KIRREL2: variants seen among roughly 807,000 people sequenced by gnomAD.
KIRREL2 encodes kin of IRRE-like protein 2.
Under a neutral mutation model 73.4 loss-of-function variants are expected in KIRREL2, and 56 were observed. The observed-to-expected ratio is 0.76, with a 90% CI of 0.62 to 0.95. The LOEUF is 0.95. Ranked by LOEUF, KIRREL2 falls within the 40% of genes least tolerant of loss-of-function variation. The pLI, the probability that KIRREL2 is intolerant of heterozygous loss-of-function variation, is 0.00. For synonymous variants in KIRREL2, 407 were observed against 404.0 expected (o/e 1.01, Z -0.09); for missense variants, 896 against 935.0 (o/e 0.96, Z 0.54).
At chr19:35,858,344 G>C (rs902145128) in intron 2 of KIRREL2, 64 bp from the exon 3 acceptor site, 7 of 1,571,282 alleles carry the variant, frequency 4.5e-6, no homozygotes, top group African/African-American at 1.3e-5. Context: ...GATGTCTGGG[G>C]ATGGAGGCCT....
rs778689984 is a variant in KIRREL2, at chr19:35,861,938, A to G, written c.1424A>G (p.Gln475Arg). ...LISVLHISGTQESDFSRSFNC... is the reference protein window; with the variant it reads ...LISVLHISGTRESDFSRSFNC... ...TCTGTGCTACACATTTCGGGGACCC[A>G]GGAGTCTGACTTTAGCAGGAGCTTT... The change falls in exon 11 of 15, where the codon CAG becomes CGG. Residue 475 changes from glutamine to arginine, a missense_variant. Physicochemically the swap from Gln to Arg is conservative, Grantham distance 43. Coordinates refer to ENST00000360202, the MANE Select transcript of KIRREL2 (RefSeq NM_199180.4). The G allele has an allele frequency of 1.2e-6, 2 of 1,613,096 alleles. No homozygotes were observed. Among genetic ancestry groups the G allele is most frequent in the Non-Finnish European group, 1.7e-6 (2 of 1,179,664 alleles).
intron 3 of KIRREL2, 32 bp downstream of exon 3, chr19:35,858,589 C>A: frequency 1.2e-6 from 2 of 1,612,626 alleles, no homozygotes; most frequent in East Asian, 2.2e-5. Flanking sequence ...CCCCTGGGAG[C>A]CCAAGAGGGC....
Position 35,857,426 on chromosome 19 carries a change from G to C in KIRREL2, c.143G>C (p.Gly48Ala). The change falls in exon 2 of 15, where the codon GGC (glycine) becomes GCC (alanine). Residue 48 changes from glycine (G) to alanine (A), a missense_variant. Gly to Ala is a moderately conservative substitution (Grantham distance 60). Transcript: ENST00000360202. ...GAAGCCCGGCTGCCGTGTGCTCTGGGCGCCTACTGGGGGCTAGTTCAGTGG... is the reference window on the plus strand; with the variant it reads ...GAAGCCCGGCTGCCGTGTGCTCTGGCCGCCTACTGGGGGCTAGTTCAGTGG... Reference protein sequence around the residue: ...GEEARLPCALGAYWGLVQWTK... With the variant: ...GEEARLPCALAAYWGLVQWTK... 6.2e-7 allele frequency: 1 copy of C among 1,613,040 alleles called. No homozygotes were observed. The highest frequency in any genetic ancestry group is 8.5e-7 in the Non-Finnish European group (1 of 1,179,906).
chr19:35,861,725 T>G, intron 10 of KIRREL2, 80 bp from the exon 11 acceptor site: 4 of 1,587,686 alleles, frequency 2.5e-6, no homozygotes, highest in Non-Finnish European at 3.4e-6. Flanking sequence ...CTGTGACCAT[T>G]TCTGACTTCC....
chr19:35,856,272 A>AGGCCGAGGGGCCCGGCC (rs1473130996), upstream of KIRREL2, among the ~76,000 whole-genome samples: 2 of 151,876 alleles, frequency 1.3e-5, no homozygotes, highest in Non-Finnish European at 2.9e-5. The surrounding 1 kb of genome is among the most constrained non-coding windows in gnomAD (Gnocchi z 5.9). Flanking sequence ...CCGGGCAACC[A>AGGCCGAGGGGCCCGGCC]GGCCGAGGGG....
chr19:35,861,928 T>C lies in KIRREL2; in HGVS notation c.1414T>C (p.Ser472Pro), dbSNP rs753661782. ...GGGCCTGATCTCTGTGCTACACATT[T>C]CGGGGACCCAGGAGTCTGACTTTAG... ...GPGLISVLHI[S>P]GTQESDFSRS... The change falls in exon 11 of 15, where the codon TCG becomes CCG. Residue 472 changes from serine (S) to proline (P), a missense_variant. By Grantham distance (74) the Ser-to-Pro change is moderately conservative. Coordinates refer to ENST00000360202, the MANE Select transcript of KIRREL2 (RefSeq NM_199180.4). 1.5e-5 allele frequency: 24 copies of C among 1,612,406 alleles called. No homozygotes were observed. Among genetic ancestry groups the C allele is most frequent in the Non-Finnish European group, 1.9e-5 (23 of 1,179,496 alleles).
Position 35,858,888 on chromosome 19 carries a change from GC to G in KIRREL2, c.522+26del, listed in dbSNP as rs1314354024. ...AGGTCAGGTCCAAATTCCTGTGCTAGCCTTTGCCCATTGAGGGAAACTTGGG... is the reference window on the plus strand; with the variant it reads ...AGGTCAGGTCCAAATTCCTGTGCTAGCTTTGCCCATTGAGGGAAACTTGGG... On this transcript the variant is annotated intron_variant, in intron 4 of 14. Transcript: ENST00000360202. 1.9e-6 allele frequency: 3 copies of G among 1,612,534 alleles called. No individual in the cohort carries two copies. The Admixed American group carries it at 5.0e-5, about 27-fold the overall frequency.
intron 10 of KIRREL2, 74 bp from the exon 11 acceptor site, chr19:35,861,731 C>A: frequency 6.3e-7 from 1 of 1,586,334 alleles, no homozygotes; most frequent in Admixed American, 1.7e-5. Flanking sequence ...CCATTTCTGA[C>A]TTCCCAGACA....
At chr19:35,862,623 T>C (rs201501342) in intron 12 of KIRREL2, 26 bp downstream of exon 12, 2 of 1,544,022 alleles carry the variant, frequency 1.3e-6, no homozygotes, top group African/African-American at 2.7e-5. Context: ...CCGCCCCGGC[T>C]CCCGAGGCCC....
chr19:35,856,939 G>GT lies in KIRREL2; in HGVS notation c.-178dup, dbSNP rs959054057. 33 of 711,404 alleles carry GT rather than the reference G, an allele frequency of 4.6e-5. No homozygotes were observed. In the African/African-American group the frequency reaches 5.3e-4, roughly 11 times the overall value. The allele number at this position is 711,404 out of a possible 1,614,324, so 44.1% of individuals were successfully genotyped here. ...GACCCAGGCCGCGGAACTGGCAGGC[G>GT]TTTCAGAGCGTCAGAGGCTGCGGAT... is the stretch of plus-strand genomic sequence containing the variant. On this transcript the variant is annotated 5_prime_UTR_variant, in exon 1 of 15. Transcript: ENST00000360202. The surrounding 1 kb of genome is among the most constrained non-coding windows in gnomAD (Gnocchi z 5.9).
chr19:35,853,005 C>G (rs113436268), upstream of KIRREL2, among the ~76,000 whole-genome samples: 13,357 of 152,046 alleles, frequency 0.088, 1,149 homozygotes, highest in African/African-American at 0.23. Context: ...ATGTTGGCCA[C>G]GCTGGTCTCG....
chr19:35,864,584 G>T, intron 13 of KIRREL2, 64 bp from the exon 14 acceptor site: 1 of 1,382,664 alleles, frequency 7.2e-7, no homozygotes, highest in Non-Finnish European at 1.0e-6. Context: ...GAAGGTCCTT[G>T]GGGTCTGGCA....
upstream of KIRREL2, among the ~76,000 whole-genome samples, chr19:35,853,184 G>T (rs1212452547): frequency 2.0e-5 from 3 of 152,202 alleles, no homozygotes; most frequent in Non-Finnish European, 4.4e-5. Flanking sequence ...CAGGCTGGGA[G>T]AGTGTGGGAG....
At position 35,864,664 on chromosome 19, in the gene KIRREL2, C is replaced by G. The variant is rs762654118; in HGVS notation, c.1742C>G (p.Thr581Ser). The G allele has an allele frequency of 3.7e-6, 6 of 1,612,918 alleles. No individual in the cohort carries two copies. In the African/African-American group the frequency reaches 5.3e-5, roughly 14 times the overall value. ...CTACCCCAGGGCCCCATTGTGCACACTGACCACAGTGATCTGGTTCTGGAG... is the reference window on the plus strand; with the variant it reads ...CTACCCCAGGGCCCCATTGTGCACAGTGACCACAGTGATCTGGTTCTGGAG... Reference protein sequence around the residue: ...SREDRGPIVHTDHSDLVLEEE... With the variant: ...SREDRGPIVHSDHSDLVLEEE... The change falls in exon 14 of 15, where the codon ACT (threonine) becomes AGT (serine). Residue 581 changes from threonine (T) to serine (S), a missense_variant. Coordinates refer to ENST00000360202, the MANE Select transcript of KIRREL2 (RefSeq NM_199180.4).
upstream of KIRREL2, among the ~76,000 whole-genome samples, chr19:35,855,141 T>C (rs1367801799): frequency 6.6e-6 from 1 of 152,076 alleles, no homozygotes; most frequent in Non-Finnish European, 1.5e-5. Context: ...GCTTGACTCC[T>C]TGCCCTCCTC....
upstream of KIRREL2, among the ~76,000 whole-genome samples, chr19:35,852,011 C>T (rs1973279780): frequency 6.6e-6 from 1 of 152,086 alleles, no homozygotes; most frequent in Non-Finnish European, 1.5e-5. Context: ...GTGAGTATCT[C>T]TCTCTGTCTT....
intron 1 of KIRREL2, 39 bp downstream of exon 1, chr19:35,857,219 T>TTGGATTTGGGGGGGGGGGG: frequency 1.6e-6 from 1 of 631,740 alleles, no homozygotes; most frequent in Non-Finnish European, 2.3e-6. Context: ...GGGGTGGGGG[T>TTGGATTTGGGGGGGGGGGG]GGGGAGTTGC....
At chr19:35,863,977 G>A (rs1051605138) in intron 13 of KIRREL2, among the ~76,000 whole-genome samples, 7 of 151,522 alleles carry the variant, frequency 4.6e-5, no homozygotes, top group Non-Finnish European at 8.8e-5. Context: ...GGTGTATACC[G>A]TGTTAGCCAG....
chr19:35,864,561 C>T, intron 13 of KIRREL2, 87 bp from the exon 14 acceptor site: 4 of 1,074,442 alleles, frequency 3.7e-6, no homozygotes, highest in Non-Finnish European at 5.7e-6. Context: ...TGCCTGGCCT[C>T]CACTGGCTGG....
Sources: allele counts gnomAD v4.1 joint callset (sites outside exome capture counted in the v4.1 genomes callset), GRCh38; gene constraint gnomAD v4.1.1; non-coding constraint Gnocchi (gnomAD v3.1); transcripts MANE v1.5; gene names NCBI Gene and HGNC (gene_info 2026-07-23, HGNC 2026-07-21).